Variants in ABCA1 observed in about 807,000 individuals in gnomAD.
The protein encoded by ABCA1 is ATP binding cassette subfamily A member 1.
Under a neutral mutation model 262.5 loss-of-function variants are expected in ABCA1, and 133 were observed. That is an observed-to-expected ratio of 0.51 (90% CI 0.44 to 0.59). The LOEUF (loss-of-function observed/expected upper bound fraction) is 0.59. Among genes scored for constraint, ABCA1 ranks in the 20% least tolerant of loss-of-function variants. The probability of loss-of-function intolerance (pLI) is 0.00; values close to 1 mark genes in which losing one functional copy is unlikely to be tolerated. For missense variants in ABCA1, 2,452 were observed against 2,777.5 expected (o/e 0.88, Z 2.63); for synonymous variants, 1,022 against 1,043.5 (o/e 0.98, Z 0.40).
intron 1 of ABCA1, among the ~76,000 whole-genome samples, chr9:104,918,055 A>G (rs1464280920): frequency 2.0e-5 from 3 of 152,224 alleles, no homozygotes; most frequent in African/African-American, 7.2e-5. Context: ...CTGAAATGCT[A>G]CCTATCTCAG....
At chr9:104,813,252 G>C (rs1447548114) in intron 27 of ABCA1, among the ~76,000 whole-genome samples, 1 of 152,136 alleles carries the variant, frequency 6.6e-6, no homozygotes, top group African/African-American at 2.4e-5. Flanking sequence ...GAGAGAACTG[G>C]AAAGTTTTCT....
In ABCA1 at chr9:104,785,268, TAGGAATAGTAGATC is replaced by T. The variant is rs1441443515; in HGVS notation, c.6645+114_6645+127del. 49 of 1,265,350 alleles carry T rather than the reference TAGGAATAGTAGATC, an allele frequency of 3.9e-5. No individual in the cohort carries two copies. In the Admixed American group the frequency reaches 8.4e-4, roughly 22 times the overall value. The allele number at this position is 1,265,350 out of a possible 1,614,324, so 78.4% of individuals were successfully genotyped here. A position where few individuals can be genotyped will look rare whatever the true frequency, so the allele number is the denominator to read the frequency against. ...AGAGAGGTTTAGTAAAAAGCATAGC[TAGGAATAGTAGATC>T]AGGAATTCAAGCACCAATTCAAGAT... On this transcript the variant is annotated intron_variant, in intron 49 of 49. Transcript: ENST00000374736.
chr9:104,831,478 A>T, intron 13 of ABCA1, 144 bp downstream of exon 13: 2 of 707,784 alleles, frequency 2.8e-6, no homozygotes. Flanking sequence ...CAATTTCACC[A>T]AAATCATGAC....
At chr9:104,886,671 C>T (rs1430133189) in intron 3 of ABCA1, among the ~76,000 whole-genome samples, 5 of 152,200 alleles carry the variant, frequency 3.3e-5, no homozygotes, top group Non-Finnish European at 7.3e-5. Context: ...TTCAGGTTAT[C>T]CCTTAGCAGG....
At chr9:104,882,112 A>C (rs1325394992) in intron 5 of ABCA1, among the ~76,000 whole-genome samples, 2 of 150,658 alleles carry the variant, frequency 1.3e-5, no homozygotes, top group African/African-American at 4.9e-5. Flanking sequence ...TCTTTTGCCA[A>C]ATAGAAAACA....
intron 39 of ABCA1, among the ~76,000 whole-genome samples, chr9:104,795,790 T>C (rs1405374498): frequency 6.6e-6 from 1 of 152,124 alleles, no homozygotes; most frequent in Non-Finnish European, 1.5e-5. Context: ...GCAGAGGAGC[T>C]ACTCTTGGTA....
intron 7 of ABCA1, 143 bp downstream of exon 7, chr9:104,858,379 T>A: frequency 1.1e-6 from 1 of 914,876 alleles, no homozygotes; most frequent in Non-Finnish European, 1.8e-6. Context: ...TAAGAACACT[T>A]AGAATACCAC....
intron 5 of ABCA1, among the ~76,000 whole-genome samples, chr9:104,880,225 C>T (rs1382027081): frequency 2.0e-5 from 3 of 152,170 alleles, no homozygotes; most frequent in Non-Finnish European, 4.4e-5. Context: ...GGGCCAAGCT[C>T]ATCATGCTGT....
At chr9:104,820,189 C>T (rs764212474) in intron 20 of ABCA1, 120 bp from the exon 21 acceptor site, 2 of 1,280,348 alleles carry the variant, frequency 1.6e-6, no homozygotes, top group South Asian at 1.2e-5. Context: ...TTTAAAATAA[C>T]TTTATCAATT....
At chr9:104,800,366 C>A in intron 35 of ABCA1, 144 bp downstream of exon 35, 2 of 786,754 alleles carry the variant, frequency 2.5e-6, no homozygotes, top group South Asian at 1.5e-5. Context: ...TACACTACAC[C>A]GTACTGCCTC....
intron 9 of ABCA1, 67 bp downstream of exon 9, chr9:104,840,212 A>G: frequency 1.2e-6 from 2 of 1,611,840 alleles, no homozygotes; most frequent in Non-Finnish European, 1.7e-6. Flanking sequence ...GAGATGACAC[A>G]GGCCAAGGCC....
At chr9:104,848,013 A>G (rs1835045654) in intron 7 of ABCA1, among the ~76,000 whole-genome samples, 1 of 152,160 alleles carries the variant, frequency 6.6e-6, no homozygotes, top group South Asian at 2.1e-4. Flanking sequence ...CTCAATCCCT[A>G]TGGTAGGTAT....
intron 5 of ABCA1, among the ~76,000 whole-genome samples, chr9:104,864,613 G>A (rs1255001447): frequency 6.6e-6 from 1 of 152,098 alleles, no homozygotes; most frequent in Non-Finnish European, 1.5e-5. Context: ...AACCTCAACA[G>A]AAACAGAATA....
At chr9:104,841,525 A>G (rs1029068991) in intron 8 of ABCA1, among the ~76,000 whole-genome samples, 1 of 152,192 alleles carries the variant, frequency 6.6e-6, no homozygotes, top group Non-Finnish European at 1.5e-5. Context: ...TTGAAAAGTC[A>G]CGTCATGTCT....
At chr9:104,908,662 T>C (rs971426592) in intron 1 of ABCA1, among the ~76,000 whole-genome samples, 8 of 152,012 alleles carry the variant, frequency 5.3e-5, no homozygotes, top group African/African-American at 1.9e-4. Context: ...CACCTCCTCA[T>C]AAATAAATAT....
intron 6 of ABCA1, among the ~76,000 whole-genome samples, 194 bp from the exon 7 acceptor site, chr9:104,858,892 C>T (rs187276304): frequency 6.6e-6 from 1 of 152,322 alleles, no homozygotes; most frequent in African/African-American, 2.4e-5. Context: ...GGCACAATGA[C>T]AGGACACTTA....
chr9:104,845,937 C>A (rs1038052500), intron 7 of ABCA1, among the ~76,000 whole-genome samples: 4 of 152,108 alleles, frequency 2.6e-5, no homozygotes, highest in African/African-American at 9.7e-5. Context: ...CTTTGAGAAA[C>A]AAGTTAATGA....
Position 104,797,438 on chromosome 9 carries a change from C to T in ABCA1, c.5121+983G>A, listed in dbSNP as rs577069078. Among the ~76,000 whole-genome samples the T allele has an allele frequency of 9.9e-5, 15 of 152,280 alleles. No homozygotes were observed. In the South Asian group the frequency reaches 1.2e-3, roughly 13 times the overall value. On this transcript the variant is annotated intron_variant, in intron 37 of 49. Transcript: ENST00000374736. ...GTTTACCACTAAGTTGCCAGTAAGA[C>T]GGTGCTCCTTCCAAAATGCAAAATC...
intron 19 of ABCA1, 129 bp from the exon 20 acceptor site, chr9:104,821,635 T>C (rs1832359634): frequency 9.3e-7 from 1 of 1,078,326 alleles, no homozygotes; most frequent in East Asian, 2.6e-5. Flanking sequence ...TAATGAACCC[T>C]ACCAGACCCA....
Sources: gnomAD v4.1 joint callset for allele counts (sites outside exome capture counted in the v4.1 genomes callset) on GRCh38, gnomAD v4.1.1 for gene constraint, MANE v1.5 for transcripts, NCBI Gene and HGNC (gene_info 2026-07-23, HGNC 2026-07-21) for gene names.